Variants in DAB1 observed in about 807,000 individuals in gnomAD.
DAB1 encodes the protein DAB adaptor protein 1, also known as disabled homolog 1.
Under a neutral mutation model 64.6 loss-of-function variants are expected in DAB1, and 15 were observed. The observed-to-expected ratio is 0.23, with a 90% CI of 0.16 to 0.36. The LOEUF is 0.36. Ranked by LOEUF, DAB1 falls within the 10% of genes least tolerant of loss-of-function variation. The probability of loss-of-function intolerance (pLI) is 1.00; values close to 1 mark genes in which losing one functional copy is unlikely to be tolerated. For synonymous variants in DAB1, 235 were observed against 251.9 expected (o/e 0.93, Z 0.64); for missense variants, 596 against 706.7 (o/e 0.84, Z 1.78).
intron 1 of DAB1, among the ~76,000 whole-genome samples, chr1:57,333,003 G>C (rs1467339192): frequency 6.6e-6 from 1 of 152,156 alleles, no homozygotes; most frequent in African/African-American, 2.4e-5. Context: ...TTGCGTGGCT[G>C]TTTCTTTCCC....
At chr1:58,189,519 C>T (rs1657269071) in intron 4 of DAB1, among the ~76,000 whole-genome samples, 1 of 152,184 alleles carries the variant, frequency 6.6e-6, no homozygotes, top group East Asian at 1.9e-4. Flanking sequence ...CAGACACCTC[C>T]GATGTGCCAC....
At chr1:57,742,826 G>A (rs1050071061) in intron 6 of DAB1, among the ~76,000 whole-genome samples, 4 of 152,136 alleles carry the variant, frequency 2.6e-5, no homozygotes, top group Non-Finnish European at 4.4e-5. Context: ...AACCCAGGAT[G>A]GTATCTGGGC....
rs141431848 is a variant in DAB1 at position 57,974,308 on chromosome 1, T to C, written n.388-90146A>G. ...TTTAACAATGAGTGCCATTTTTAAGTCTTTGGGCATTTATTGAATTGTGTC... is the reference window on the plus strand; with the variant it reads ...TTTAACAATGAGTGCCATTTTTAAGCCTTTGGGCATTTATTGAATTGTGTC... On this transcript the variant is annotated intron_variant and non_coding_transcript_variant, in intron 5 of 20. Coordinates refer to the DAB1 transcript ENST00000485760. Among the ~76,000 whole-genome samples the C allele has an allele frequency of 3.4e-3, 517 of 152,214 alleles. 5 individuals are homozygous for C. The highest frequency in any genetic ancestry group is 0.012 in the African/African-American group (495 of 41,528).
chr1:57,576,511 A>T lies in DAB1; in HGVS notation n.625+73081T>A, dbSNP rs187372320. On this transcript the variant is annotated intron_variant and non_coding_transcript_variant, in intron 7 of 20. Transcript: ENST00000485760. ...AGATAGAAATTGGAATGGTGCATTT[A>T]CAAGGAACACTAAGGATTGCTGGCA... Among the ~76,000 whole-genome samples, 4 of 152,322 alleles carry T rather than the reference A, an allele frequency of 2.6e-5. No homozygotes were observed. The East Asian group carries it at 7.7e-4, about 29-fold the overall frequency.
chr1:57,918,104 AATAT>A (rs1644755685), intron 5 of DAB1, among the ~76,000 whole-genome samples: 1 of 150,764 alleles, frequency 6.6e-6, no homozygotes, highest in South Asian at 2.1e-4. Flanking sequence ...TAAATAAATA[AATAT>A]AAAAATATGA....
upstream of DAB1, among the ~76,000 whole-genome samples, chr1:57,887,879 C>T (rs1296308978): frequency 3.3e-5 from 5 of 152,132 alleles, no homozygotes; most frequent in Non-Finnish European, 7.4e-5. Flanking sequence ...CTGAAGTTAA[C>T]TTCATAGGGA....
intron 3 of DAB1, among the ~76,000 whole-genome samples, chr1:58,492,099 G>C (rs1430688137): frequency 9.9e-5 from 15 of 152,100 alleles, no homozygotes; most frequent in Non-Finnish European, 1.9e-4. Flanking sequence ...TAGAACTCAG[G>C]ATTAAGAAAC....
At chr1:58,189,866 G>A (rs1657291507) in intron 4 of DAB1, among the ~76,000 whole-genome samples, 1 of 152,212 alleles carries the variant, frequency 6.6e-6, no homozygotes, top group African/African-American at 2.4e-5. Flanking sequence ...GGTCCCATGG[G>A]CTACTGGAAG....
chr1:58,094,028 G>A (rs1650839396), intron 5 of DAB1, among the ~76,000 whole-genome samples: 1 of 152,126 alleles, frequency 6.6e-6, no homozygotes, highest in Non-Finnish European at 1.5e-5. Context: ...CCTGATTGGT[G>A]GAATCTCATT....
chr1:57,673,706 A>T (rs1646533533), intron 6 of DAB1, among the ~76,000 whole-genome samples: 1 of 152,196 alleles, frequency 6.6e-6, no homozygotes, highest in Non-Finnish European at 1.5e-5. Flanking sequence ...ATGTAGTTGT[A>T]TAATTTAATA....
chr1:57,148,160 A>C (rs1477453418), intron 2 of DAB1, among the ~76,000 whole-genome samples: 2 of 152,194 alleles, frequency 1.3e-5, no homozygotes, highest in African/African-American at 2.4e-5. Context: ...TCTCTAAAAA[A>C]CTGTCTATGA....
At chr1:57,403,250 G>GA (rs1683386707) in intron 1 of DAB1, among the ~76,000 whole-genome samples, 1 of 152,090 alleles carries the variant, frequency 6.6e-6, no homozygotes, top group Non-Finnish European at 1.5e-5. Flanking sequence ...GATCCATTGG[G>GA]AAAAAGCCCT....
intron 7 of DAB1, among the ~76,000 whole-genome samples, chr1:57,445,791 A>C: frequency 6.6e-6 from 1 of 152,340 alleles, no homozygotes. Context: ...CATAGAATAA[A>C]CCAACTCATT....
chr1:57,016,993 T>C (rs1646456177), intron 11 of DAB1, among the ~76,000 whole-genome samples: 1 of 152,198 alleles, frequency 6.6e-6, no homozygotes, highest in South Asian at 2.1e-4. Context: ...ACTGAGGTTG[T>C]CTGTCCCCCC....
At chr1:57,497,413 GT>G (rs1207606710) in intron 7 of DAB1, among the ~76,000 whole-genome samples, 2 of 152,184 alleles carry the variant, frequency 1.3e-5, no homozygotes, top group African/African-American at 4.8e-5. Flanking sequence ...AATGTCTACT[GT>G]GTTCCTAGCA....
intron 4 of DAB1, among the ~76,000 whole-genome samples, chr1:58,327,102 C>T (rs1178631675): frequency 6.6e-6 from 1 of 152,164 alleles, no homozygotes; most frequent in African/African-American, 2.4e-5. Flanking sequence ...TTAAAATTTT[C>T]CACAATTCCT....
intron 5 of DAB1, among the ~76,000 whole-genome samples, chr1:57,981,780 G>A (rs962187809): frequency 2.0e-5 from 3 of 152,190 alleles, no homozygotes; most frequent in Non-Finnish European, 4.4e-5. Flanking sequence ...GGATTGAACA[G>A]GCAGCATTGT....
chr1:57,072,151 G>T, intron 5 of DAB1, 132 bp downstream of exon 5: 1 of 962,362 alleles, frequency 1.0e-6, no homozygotes, highest in Non-Finnish European at 1.6e-6. Flanking sequence ...AGATGGGAAT[G>T]TGAGCATCAA....
intron 5 of DAB1, among the ~76,000 whole-genome samples, chr1:57,901,647 T>G (rs1644475593): frequency 6.6e-6 from 1 of 152,138 alleles, no homozygotes; most frequent in South Asian, 2.1e-4. Context: ...GAGGTGGCTT[T>G]AAGTCTGATA....
Sources: allele counts gnomAD v4.1 joint callset (sites outside exome capture counted in the v4.1 genomes callset), GRCh38; gene constraint gnomAD v4.1.1; transcripts MANE v1.5; gene names NCBI Gene and HGNC (gene_info 2026-07-23, HGNC 2026-07-21).